Variants in ERBB4 observed in about 807,000 individuals in gnomAD.
The protein encoded by ERBB4 is erb-b2 receptor tyrosine kinase 4.
Under a neutral mutation model 158.0 loss-of-function variants are expected in ERBB4, and 42 were observed. The ratio of observed to expected loss-of-function variants is 0.27; its 90% CI spans 0.21 to 0.34. ERBB4 has a LOEUF of 0.34. Ranked by LOEUF, ERBB4 falls within the 10% of genes least tolerant of loss-of-function variation. ERBB4 has a pLI of 1.00. For synonymous variants in ERBB4, 583 were observed against 558.7 expected (o/e 1.04, Z -0.61); for missense variants, 1,333 against 1,624.1 (o/e 0.82, Z 3.08).
At chr2:212,446,871 G>GATTGT (rs1402530858) in intron 1 of ERBB4, among the ~76,000 whole-genome samples, 1 of 150,168 alleles carries the variant, frequency 6.7e-6, no homozygotes, top group Non-Finnish European at 1.5e-5. Flanking sequence ...TAACCCATAT[G>GATTGT]ATTGTATTCA....
intron 7 of ERBB4, among the ~76,000 whole-genome samples, chr2:211,716,991 A>G (rs1332006951): frequency 2.0e-5 from 3 of 152,206 alleles, no homozygotes; most frequent in African/African-American, 7.2e-5. Flanking sequence ...GACAGCTTTC[A>G]GGTGAATCAC....
intron 20 of ERBB4, among the ~76,000 whole-genome samples, chr2:211,528,886 G>A (rs1470215555): frequency 6.6e-6 from 1 of 151,626 alleles, no homozygotes; most frequent in East Asian, 1.9e-4. Flanking sequence ...ACAGCTATAA[G>A]TCCCTACATA....
At chr2:211,648,567 T>C (rs1452580310) in intron 16 of ERBB4, among the ~76,000 whole-genome samples, 1 of 151,794 alleles carries the variant, frequency 6.6e-6, no homozygotes, top group Non-Finnish European at 1.5e-5. Flanking sequence ...GTTTGTGTTT[T>C]GTTCTGTTTT....
At chr2:212,401,006 T>C (rs2091188260) in intron 1 of ERBB4, among the ~76,000 whole-genome samples, 1 of 152,186 alleles carries the variant, frequency 6.6e-6, no homozygotes, top group Non-Finnish European at 1.5e-5. Flanking sequence ...TAGAGAATGC[T>C]ATGTTTTGGT....
chr2:212,286,828 C>T (rs2086002990), intron 1 of ERBB4, among the ~76,000 whole-genome samples: 1 of 124,738 alleles, frequency 8.0e-6, no homozygotes, highest in Non-Finnish European at 1.6e-5. Flanking sequence ...CCACGCTGTT[C>T]CCCAACTTCT....
chr2:212,236,435 G>C (rs2083878048), intron 1 of ERBB4, among the ~76,000 whole-genome samples: 1 of 152,106 alleles, frequency 6.6e-6, no homozygotes, highest in African/African-American at 2.4e-5. Context: ...TTCTTCTTTT[G>C]TGGTGTCTCT....
At chr2:211,738,272 A>G (rs1177450545) in intron 5 of ERBB4, among the ~76,000 whole-genome samples, 13 of 152,034 alleles carry the variant, frequency 8.6e-5, no homozygotes, top group Non-Finnish European at 1.3e-4. Context: ...TCTTGTATAA[A>G]TGTTCAATTC....
Position 212,516,644 on chromosome 2 carries a change from A to G in ERBB4, c.82+21805T>C, listed in dbSNP as rs1368567323. 2.0e-5 allele frequency among the ~76,000 whole-genome samples: 3 copies of G among 152,228 alleles called. No homozygotes were observed. The East Asian group carries it at 5.8e-4, about 29-fold the overall frequency. ...AGAAAATAATCTGCAACCTCATTAG[A>G]GTGTGTTGAATTTATATGTGTTTAT... On this transcript the variant is annotated intron_variant, in intron 1 of 27. Transcript: ENST00000342788.
chr2:212,140,337 T>C (rs1457732994), intron 1 of ERBB4, among the ~76,000 whole-genome samples: 1 of 148,834 alleles, frequency 6.7e-6, no homozygotes, highest in Non-Finnish European at 1.5e-5. Flanking sequence ...ATCAATAGAT[T>C]TCTGGGTATG....
chr2:211,577,349 G>C (rs142440736), intron 19 of ERBB4, among the ~76,000 whole-genome samples: 1 of 152,064 alleles, frequency 6.6e-6, no homozygotes, highest in East Asian at 1.9e-4. Flanking sequence ...AAGCAAAATG[G>C]GGATTTCCTA....
At position 211,569,576 on chromosome 2, in the gene ERBB4, G is replaced by A. The variant is rs139066369; in HGVS notation, c.2302-7488C>T. On this transcript the variant is annotated intron_variant, in intron 19 of 27. Transcript: ENST00000342788. ...TGTGATAGATAATGAAACGGTGGTC[G>A]CAGAGCTACTTTAGATAAGGAGAGC... Among the ~76,000 whole-genome samples, 13 of 152,266 alleles carry A rather than the reference G, an allele frequency of 8.5e-5. No homozygotes were observed. The East Asian group carries it at 1.7e-3, about 20-fold the overall frequency.
At chr2:212,060,579 G>A (rs2125419678) in intron 2 of ERBB4, among the ~76,000 whole-genome samples, 1 of 79,464 alleles carries the variant, frequency 1.3e-5, no homozygotes, top group Non-Finnish European at 3.3e-5. Flanking sequence ...ATCAATGATA[G>A]ACTGGATTAA....
chr2:211,394,382 G>C (rs1194896400), intron 25 of ERBB4, among the ~76,000 whole-genome samples: 1 of 152,068 alleles, frequency 6.6e-6, no homozygotes, highest in African/African-American at 2.4e-5. Flanking sequence ...TGTTTGGTTG[G>C]TTCTAGCAAC....
At chr2:211,571,040 TC>T (rs1197981991) in intron 19 of ERBB4, among the ~76,000 whole-genome samples, 3,794 of 64,780 alleles carry the variant, frequency 0.059, 80 homozygotes, top group Middle Eastern at 0.14. Flanking sequence ...GTACTCTTCT[TC>T]TTTTTTTTTT....
intron 1 of ERBB4, among the ~76,000 whole-genome samples, chr2:212,372,953 A>C (rs2090139941): frequency 6.6e-6 from 1 of 152,200 alleles, no homozygotes; most frequent in African/African-American, 2.4e-5. Flanking sequence ...GGAAAATTTA[A>C]GACTGTACTG....
intron 1 of ERBB4, among the ~76,000 whole-genome samples, chr2:212,518,283 T>C (rs1691952926): frequency 6.6e-6 from 1 of 152,032 alleles, no homozygotes; most frequent in Non-Finnish European, 1.5e-5. Flanking sequence ...AACATAATTC[T>C]AATAATTGTC....
chr2:211,743,328 C>T (rs953111246), intron 5 of ERBB4, among the ~76,000 whole-genome samples: 1 of 152,026 alleles, frequency 6.6e-6, no homozygotes, highest in Non-Finnish European at 1.5e-5. Context: ...GGATATATGC[C>T]TTTTTCCCCC....
intron 1 of ERBB4, among the ~76,000 whole-genome samples, chr2:212,299,855 T>A (rs758937289): frequency 3.3e-5 from 5 of 151,658 alleles, no homozygotes; most frequent in Non-Finnish European, 7.4e-5. Context: ...ATAATACTGC[T>A]GCATAGCACG....
At chr2:211,547,174 TG>T (rs2066962558) in intron 20 of ERBB4, among the ~76,000 whole-genome samples, 1 of 152,066 alleles carries the variant, frequency 6.6e-6, no homozygotes. Context: ...TTGGGGAAAA[TG>T]GATGAAGGAC....
Sources: allele counts gnomAD v4.1 joint callset (sites outside exome capture counted in the v4.1 genomes callset), GRCh38; gene constraint gnomAD v4.1.1; transcripts MANE v1.5; gene names NCBI Gene and HGNC (gene_info 2026-07-23, HGNC 2026-07-21).